BAZ2B: variants seen among roughly 807,000 people sequenced by gnomAD.
The protein encoded by BAZ2B is bromodomain adjacent to zinc finger domain 2B.
In BAZ2B, 91 loss-of-function variants were observed where a neutral mutation model predicts 246.0. That is an observed-to-expected ratio of 0.37 (90% CI 0.31 to 0.44). BAZ2B has a LOEUF of 0.44. BAZ2B is among the 20% of genes least tolerant of loss of function. The pLI, the probability that BAZ2B is intolerant of heterozygous loss-of-function variation, is 1.00. For synonymous variants in BAZ2B, 855 were observed against 860.0 expected (o/e 0.99, Z 0.10); for missense variants, 2,332 against 2,533.7 (o/e 0.92, Z 1.71).
the BAZ2B span, among the ~76,000 whole-genome samples, chr2:159,665,196 A>C: frequency 1.6e-3 from 141 of 90,844 alleles, no homozygotes; most frequent in African/African-American, 6.1e-3. Flanking sequence ...TCAAGGAAAT[A>C]AAAGAGGACA....
chr2:159,342,568 G>C (rs779383664), intron 31 of BAZ2B, among the ~76,000 whole-genome samples: 8 of 152,154 alleles, frequency 5.3e-5, no homozygotes, highest in Admixed American at 3.3e-4. Context: ...TTACAGGCAT[G>C]AGCCACTGTG....
At chr2:159,514,153 C>T (rs1215501717) in intron 2 of BAZ2B, among the ~76,000 whole-genome samples, 1 of 152,122 alleles carries the variant, frequency 6.6e-6, no homozygotes, top group African/African-American at 2.4e-5. Context: ...TTCTAAAATG[C>T]TATGCAGTTT....
At chr2:159,467,427 C>A (rs1383839568) in intron 3 of BAZ2B, among the ~76,000 whole-genome samples, 1 of 152,106 alleles carries the variant, frequency 6.6e-6, no homozygotes, top group African/African-American at 2.4e-5. Context: ...CTTTCCCCCC[C>A]AGGTTTCTGG....
At chr2:159,509,111 A>G (rs1010185821) in intron 2 of BAZ2B, among the ~76,000 whole-genome samples, 7 of 152,154 alleles carry the variant, frequency 4.6e-5, no homozygotes, top group African/African-American at 1.7e-4. Flanking sequence ...GCTGAATGAA[A>G]TCATTATAGT....
the BAZ2B span, among the ~76,000 whole-genome samples, chr2:159,681,023 T>A: frequency 6.6e-6 from 1 of 152,156 alleles, no homozygotes; most frequent in East Asian, 1.9e-4. Flanking sequence ...GAGAGACTTC[T>A]GAGTATAGAT....
chr2:159,407,823 T>A (rs1205136005), intron 14 of BAZ2B, among the ~76,000 whole-genome samples: 3 of 152,190 alleles, frequency 2.0e-5, no homozygotes, highest in African/African-American at 7.2e-5. Flanking sequence ...GTTCACTAAA[T>A]ACTCTAGGAC....
At chr2:159,597,717 AAGTG>A (rs1220219072) in intron 1 of BAZ2B, among the ~76,000 whole-genome samples, 1 of 152,028 alleles carries the variant, frequency 6.6e-6, no homozygotes, top group African/African-American at 2.4e-5. Flanking sequence ...TGGCCTCCCA[AAGTG>A]ATGGGATTAC....
rs2081669989 is a variant in BAZ2B, at chr2:159,501,129, TATATATA to T, written c.-2-22415_-2-22409del. 1.9e-4 allele frequency among the ~76,000 whole-genome samples: 8 copies of T among 41,222 alleles called. 1 individual carries two copies. The highest frequency in any genetic ancestry group is 1.4e-3 in the Admixed American group (6 of 4,366). The allele number at this position is 41,222 out of a possible 152,430, so 27.0% of individuals were successfully genotyped here. ...TGTTTAAAAATATATATATAATATA[TATATATA>T]TTTTATATATATAATATATATAAAT... On this transcript the variant is annotated intron_variant, in intron 2 of 36. Transcript: ENST00000392783.
intron 1 of BAZ2B, among the ~76,000 whole-genome samples, chr2:159,579,777 TA>T (rs1686279896): frequency 6.6e-6 from 1 of 152,156 alleles, no homozygotes; most frequent in Non-Finnish European, 1.5e-5. Flanking sequence ...CACAAATCAA[TA>T]AATGTAATAC....
chr2:159,504,228 T>C (rs1256193169), intron 2 of BAZ2B, among the ~76,000 whole-genome samples: 2 of 152,106 alleles, frequency 1.3e-5, no homozygotes, highest in Admixed American at 6.5e-5. Flanking sequence ...TAGTTACATA[T>C]GTATACATGT....
At chr2:159,587,196 A>G (rs1452468842) in intron 1 of BAZ2B, among the ~76,000 whole-genome samples, 1 of 151,502 alleles carries the variant, frequency 6.6e-6, no homozygotes, top group East Asian at 2.0e-4. Flanking sequence ...CTCCTGCCTC[A>G]GCCTCCTGAG....
intron 1 of BAZ2B, among the ~76,000 whole-genome samples, chr2:159,564,554 A>G (rs946810078): frequency 1.3e-5 from 2 of 152,222 alleles, no homozygotes; most frequent in African/African-American, 4.8e-5. Flanking sequence ...ATTGGTGGTG[A>G]AAAAAGTGAT....
chr2:159,325,178 T>G (rs1272233603), intron 35 of BAZ2B, among the ~76,000 whole-genome samples: 1 of 130,920 alleles, frequency 7.6e-6, no homozygotes, highest in Non-Finnish European at 1.6e-5. Context: ...TCGCCCAGAC[T>G]GGAGCACAGT....
intron 3 of BAZ2B, 88 bp downstream of exon 3, chr2:159,478,487 G>T: frequency 7.3e-7 from 1 of 1,377,590 alleles, no homozygotes; most frequent in Non-Finnish European, 9.7e-7. Flanking sequence ...TGCAAGTCAT[G>T]AGAATATTTT....
chr2:159,325,128 T>TATATATATATATA (rs2063489450), intron 35 of BAZ2B, among the ~76,000 whole-genome samples, 174 bp from the exon 36 acceptor site: 11 of 32,798 alleles, frequency 3.4e-4, no homozygotes, highest in African/African-American at 1.1e-3. Context: ...TATATATATA[T>TATATATATATATA]ATATATATAT....
intron 1 of BAZ2B, among the ~76,000 whole-genome samples, chr2:159,601,908 T>C (rs920988533): frequency 6.6e-6 from 1 of 152,206 alleles, no homozygotes; most frequent in African/African-American, 2.4e-5. Flanking sequence ...TCATTCTTTA[T>C]ACAATAAAGT....
In BAZ2B at chr2:159,385,229, A is replaced by C; in HGVS notation, c.3612T>G (p.Ala1204=). Residue 1204 remains alanine, a synonymous_variant, in exon 23 of 37, where the codon GCT becomes GCG. Transcript: ENST00000392783. ...CTGAAGCTTTCTGTGCTGGAGTGTG[A>C]GCCTGAAAAGCTTTGGTCTTCAGAC... The part of the protein sequence containing the change: ...TESLKTKAFQ[A]HTPAQKASVL... 6.2e-7 allele frequency: 1 copy of C among 1,613,626 alleles called. No homozygotes were observed. The highest frequency in any genetic ancestry group is 8.5e-7 in the Non-Finnish European group (1 of 1,179,684).
intron 3 of BAZ2B, among the ~76,000 whole-genome samples, chr2:159,475,915 C>T (rs986230496): frequency 6.6e-6 from 1 of 152,168 alleles, no homozygotes; most frequent in Non-Finnish European, 1.5e-5. Flanking sequence ...CCTCTGGAAG[C>T]TTTGTCCCAG....
intron 16 of BAZ2B, among the ~76,000 whole-genome samples, chr2:159,402,341 C>G (rs978082691): frequency 1.3e-5 from 2 of 151,966 alleles, no homozygotes; most frequent in Non-Finnish European, 2.9e-5. Context: ...TCCCAGCTAC[C>G]TGGGAGGCTG....
Sources: gnomAD v4.1 joint callset for allele counts (sites outside exome capture counted in the v4.1 genomes callset) on GRCh38, gnomAD v4.1.1 for gene constraint, MANE v1.5 for transcripts, NCBI Gene and HGNC (gene_info 2026-07-23, HGNC 2026-07-21) for gene names.